SBK3: variants seen among roughly 807,000 people sequenced by gnomAD.
SBK3 encodes uncharacterized serine/threonine-protein kinase SBK3.
SBK3 carries 16 observed loss-of-function variants against 12.7 expected under a neutral mutation model. The observed-to-expected ratio is 1.26, with a 90% CI of 0.86 to 1.92. The LOEUF (loss-of-function observed/expected upper bound fraction) is 1.92. Ranked by LOEUF, SBK3 falls within the 40% of genes most tolerant of loss-of-function variation. The pLI is 0.00. For missense variants in SBK3, 462 were observed against 481.8 expected (o/e 0.96, Z 0.38); for synonymous variants, 217 against 213.6 (o/e 1.02, Z -0.14).
At position 55,544,117 on chromosome 19, in the gene SBK3, C is replaced by T. The variant is rs1038659725; in HGVS notation, c.382G>A (p.Gly128Arg). The T allele has an allele frequency of 2.1e-5, 32 of 1,509,240 alleles. No individual in the cohort carries two copies. Among genetic ancestry groups the T allele is most frequent in the Admixed American group, 4.2e-5 (2 of 47,290 alleles). The allele number at this position is 1,509,240 out of a possible 1,614,324, so 93.5% of individuals were successfully genotyped here. A position where few individuals can be genotyped will look rare whatever the true frequency, so the allele number is the denominator to read the frequency against. ...QEYAPCGDLS[G>R]MLQERGLPEL... is the part of the protein sequence containing the mutation. ...GGCCTCACCCTTTCCTGCAGCATCC[C>T]GCTGAGGTCCCCACAGGGCGCGTAC... The change falls in exon 3 of 4, where the codon GGG (glycine) becomes AGG (arginine). Residue 128 changes from glycine to arginine, a missense_variant. Physicochemically the swap from Gly to Arg is moderately radical, Grantham distance 125. Transcript: ENST00000612221.
Position 55,540,775 on chromosome 19 carries a change from A to C in SBK3, c.*71T>G. The C allele has an allele frequency of 7.7e-7, 1 of 1,306,492 alleles. No homozygotes were observed. Among genetic ancestry groups the C allele is most frequent in the South Asian group, 1.3e-5 (1 of 79,536 alleles). 80.9% of individuals were successfully genotyped at this position (1,306,492 alleles called of 1,614,324 possible). A position where few individuals can be genotyped will look rare whatever the true frequency, so the allele number is the denominator to read the frequency against. ...TCCTCCCGGGTGCAGCTGTCTCTCC[A>C]TCCAGGTGGCCCTGGGGGCTGGGGG... On this transcript the variant is annotated 3_prime_UTR_variant, in exon 4 of 4. Transcript: ENST00000612221.
chr19:55,542,217 A>C (rs1988569092), intron 3 of SBK3, among the ~76,000 whole-genome samples: 1 of 152,188 alleles, frequency 6.6e-6, no homozygotes, highest in African/African-American at 2.4e-5. Context: ...AGTATTGAAC[A>C]GTGTGTCCAT....
chr19:55,545,433 G>A lies in SBK3; in HGVS notation c.45+66C>T. On this transcript the variant is annotated intron_variant, in intron 1 of 3. Transcript: ENST00000612221. The surrounding 1 kb of genome is among the most constrained non-coding windows in gnomAD (Gnocchi z 4.4). ...TGTTTCTCTTCCTCTCTCTCCCCGT[G>A]TTGCCTCCTGCCTCTCTCTCCTTCT... is the stretch of plus-strand genomic sequence containing the variant. The A allele has an allele frequency of 7.7e-7, 1 of 1,292,004 alleles. No individual in the cohort carries two copies. The allele number at this position is 1,292,004 out of a possible 1,614,324, so 80.0% of individuals were successfully genotyped here. A position where few individuals can be genotyped will look rare whatever the true frequency, so the allele number is the denominator to read the frequency against.
chr19:55,544,336 C>T (rs767191687), intron 2 of SBK3, 34 bp from the exon 3 acceptor site: 27 of 1,501,344 alleles, frequency 1.8e-5, no homozygotes, highest in South Asian at 8.5e-5. Context: ...GACACTCAGG[C>T]GGCTCCAGTC....
rs1431523102 is a variant in SBK3, at chr19:55,540,948, A to G, written c.978T>C (p.Tyr326=). ...TTGAGCCTCCCTCCTCCCTGTCCTC[A>G]TAGGACACGGCGCTCCCCAAAACCC... ...GPGVLGSAVS[Y]EDREEGGSSL... is the part of the protein sequence containing the mutation. Residue 326 remains tyrosine, a synonymous_variant, in exon 4 of 4, where the codon TAT becomes TAC. Transcript: ENST00000612221. The G allele has an allele frequency of 6.5e-7, 1 of 1,535,674 alleles. No homozygotes were observed. The highest frequency in any genetic ancestry group is 1.2e-5 in the South Asian group (1 of 84,040).
At position 55,544,829 on chromosome 19, in the gene SBK3, G is replaced by A. The variant is rs963310229; in HGVS notation, c.166C>T (p.Arg56Cys). The A allele has an allele frequency of 1.8e-5, 28 of 1,528,596 alleles. No individual in the cohort carries two copies. The highest frequency in any genetic ancestry group is 1.8e-4 in the African/African-American group (13 of 72,718). The allele number at this position is 1,528,596 out of a possible 1,614,324, so 94.7% of individuals were successfully genotyped here. A position where few individuals can be genotyped will look rare whatever the true frequency, so the allele number is the denominator to read the frequency against. The change falls in exon 2 of 4, where the codon CGC (arginine) becomes TGC (cysteine). Residue 56 changes from arginine (R) to cysteine (C), a missense_variant. Physicochemically the swap from Arg to Cys is radical, Grantham distance 180. Transcript: ENST00000612221. ...TGGTGAGGCTGGGCAAGGAGCACGCGGCCGTAGGAGCCGGAGCCCAGCTTC... is the reference window on the plus strand; with the variant it reads ...TGGTGAGGCTGGGCAAGGAGCACGCAGCCGTAGGAGCCGGAGCCCAGCTTC... ...IRKLGSGSYG[R>C]VLLAQPHQGG...
intron 2 of SBK3, among the ~76,000 whole-genome samples, 178 bp downstream of exon 2, chr19:55,544,621 C>G (rs912714726): frequency 1.3e-5 from 2 of 152,142 alleles, no homozygotes; most frequent in South Asian, 4.1e-4. Flanking sequence ...CAGTCCCTCG[C>G]CCTCTCTGGG....
Position 55,541,305 on chromosome 19 carries a change from C to T in SBK3, c.621G>A (p.Glu207=), listed in dbSNP as rs1309926340. The T allele has an allele frequency of 1.0e-5, 16 of 1,535,396 alleles. No individual in the cohort carries two copies. The highest frequency in any genetic ancestry group is 3.6e-5 in the South Asian group (3 of 84,024). The change falls in exon 4 of 4, where the codon GAG becomes GAA. Residue 207 remains glutamate (E), a synonymous_variant. Transcript: ENST00000612221. This position sits in a 1 kb window ranked among gnomAD's most constrained non-coding sequence, Gnocchi z 5.3. ...PPVPLPTAPP[E]LCLLLPPDTL... The stretch of plus-strand genomic sequence containing the variant: ...TGTCGGGCGGTAGCAGGAGACAGAG[C>T]TCAGGCGGTGCCGTGGGCAGAGGCA...
chr19:55,541,025 G>C lies in SBK3; in HGVS notation c.901C>G (p.Leu301Val). Reference sequence around the variant, plus strand: ...CCCCAGTCGTCCCCCAGGAAGTCCAGGACAGCCAGTGGGGGGCTCCTAGTC... The same window carrying C: ...CCCCAGTCGTCCCCCAGGAAGTCCACGACAGCCAGTGGGGGGCTCCTAGTC... The part of the protein sequence containing the change: ...PETRSPPLAV[L>V]DFLGDDWGLQ... Residue 301 changes from leucine (L) to valine (V), a missense_variant, in exon 4 of 4, where the codon CTG (leucine) becomes GTG (valine). Leu to Val is a conservative substitution (Grantham distance 32). Transcript: ENST00000612221. The surrounding 1 kb of genome is among the most constrained non-coding windows in gnomAD (Gnocchi z 5.3). 6.5e-7 allele frequency: 1 copy of C among 1,535,994 alleles called. No individual in the cohort carries two copies. Among genetic ancestry groups the C allele is most frequent in the Non-Finnish European group, 8.7e-7 (1 of 1,146,856 alleles).
chr19:55,542,545 T>C (rs1988576491), intron 3 of SBK3, among the ~76,000 whole-genome samples: 1 of 91,684 alleles, frequency 1.1e-5, no homozygotes, highest in Admixed American at 1.0e-4. Context: ...CCACCAATCC[T>C]TTCATCCATC....
Position 55,541,102 on chromosome 19 carries a change from A to T in SBK3, c.824T>A (p.Phe275Tyr), listed in dbSNP as rs1262100959. The T allele has an allele frequency of 2.6e-6, 4 of 1,535,796 alleles. No individual in the cohort carries two copies. Among genetic ancestry groups the T allele is most frequent in the Non-Finnish European group, 2.6e-6 (3 of 1,146,782 alleles). The change falls in exon 4 of 4, where the codon TTT becomes TAT. Residue 275 changes from phenylalanine to tyrosine, a missense_variant. Coordinates refer to ENST00000612221, the MANE Select transcript of SBK3 (RefSeq NM_001199824.2). This position sits in a 1 kb window ranked among gnomAD's most constrained non-coding sequence, Gnocchi z 5.3. ...PPQPPPPWDQ[F>Y]APPALALLQG... ...GAGCAAGGCCAGGGCTGGGGGCGCA[A>T]ACTGGTCCCAGGGTGGTGGTGGCTG...
At chr19:55,544,764 A>C in intron 2 of SBK3, 35 bp downstream of exon 2, 1 of 1,453,964 alleles carries the variant, frequency 6.9e-7, no homozygotes, top group Non-Finnish European at 9.0e-7. Context: ...ATTGTGGGGC[A>C]GTTGGGGAGG....
chr19:55,545,432 T>C lies in SBK3; in HGVS notation c.45+67A>G, dbSNP rs1988653815. 1 of 1,271,900 alleles carries C rather than the reference T, an allele frequency of 7.9e-7. No homozygotes were observed. Among genetic ancestry groups the C allele is most frequent in the Non-Finnish European group, 1.1e-6 (1 of 911,280 alleles). The allele number at this position is 1,271,900 out of a possible 1,614,324, so 78.8% of individuals were successfully genotyped here. On this transcript the variant is annotated intron_variant, in intron 1 of 3. Coordinates refer to ENST00000612221, the MANE Select transcript of SBK3 (RefSeq NM_001199824.2). This position sits in a 1 kb window ranked among gnomAD's most constrained non-coding sequence, Gnocchi z 4.4. ...CTGTTTCTCTTCCTCTCTCTCCCCG[T>C]GTTGCCTCCTGCCTCTCTCTCCTTC...
chr19:55,541,592 C>T lies in SBK3; in HGVS notation c.400-66G>A. The T allele has an allele frequency of 7.5e-7, 1 of 1,337,782 alleles. No homozygotes were observed. Among genetic ancestry groups the T allele is most frequent in the South Asian group, 1.5e-5 (1 of 67,206 alleles). The allele number at this position is 1,337,782 out of a possible 1,614,324, so 82.9% of individuals were successfully genotyped here. A position where few individuals can be genotyped will look rare whatever the true frequency, so the allele number is the denominator to read the frequency against. ...TTTTGTCTTTTTTATGTTGTCCAGG[C>T]TGGTCTCAAACTCCTGGCCTCAAGC... On this transcript the variant is annotated intron_variant, in intron 3 of 3. Transcript: ENST00000612221. The surrounding 1 kb of genome is among the most constrained non-coding windows in gnomAD (Gnocchi z 5.3).
Position 55,545,421 on chromosome 19 carries a change from C to T in SBK3, c.45+78G>A, listed in dbSNP as rs114198006. ...TTCCCTGTTTTCTGTTTCTCTTCCT[C>T]TCTCTCCCCGTGTTGCCTCCTGCCT... On this transcript the variant is annotated intron_variant, in intron 1 of 3. Transcript: ENST00000612221. The surrounding 1 kb of genome is among the most constrained non-coding windows in gnomAD (Gnocchi z 4.4). The T allele has an allele frequency of 1.2e-3, 1,454 of 1,187,692 alleles. 18 individuals carry two copies. The African/African-American group carries it at 0.02, about 16-fold the overall frequency. 73.6% of individuals were successfully genotyped at this position (1,187,692 alleles called of 1,614,324 possible). A position where few individuals can be genotyped will look rare whatever the true frequency, so the allele number is the denominator to read the frequency against.
Position 55,544,838 on chromosome 19 carries a change from A to C in SBK3, c.157T>G (p.Ser53Ala). 6.5e-7 allele frequency: 1 copy of C among 1,531,058 alleles called. No individual in the cohort carries two copies. Among genetic ancestry groups the C allele is most frequent in the Non-Finnish European group, 8.7e-7 (1 of 1,144,776 alleles). The allele number at this position is 1,531,058 out of a possible 1,614,324, so 94.8% of individuals were successfully genotyped here. The change falls in exon 2 of 4, where the codon TCC becomes GCC. Residue 53 changes from serine to alanine, a missense_variant. Coordinates refer to ENST00000612221, the MANE Select transcript of SBK3 (RefSeq NM_001199824.2). ...YHLIRKLGSG[S>A]YGRVLLAQPH... ...TGGGCAAGGAGCACGCGGCCGTAGG[A>C]GCCGGAGCCCAGCTTCCGGATGAGG...
In SBK3 at chr19:55,540,966, C is replaced by T. The variant is rs200175351; in HGVS notation, c.960G>A (p.Leu320=). 1 of 1,535,750 alleles carries T rather than the reference C, an allele frequency of 6.5e-7. No individual in the cohort carries two copies. The highest frequency in any genetic ancestry group is 8.7e-7 in the Non-Finnish European group (1 of 1,146,648). ...TGTCCTCATAGGACACGGCGCTCCC[C>T]AAAACCCCAGGTCCCTCTCTGTTCC... ...LQGNREGPGV[L]GSAVSYEDRE... Residue 320 remains leucine, a synonymous_variant, in exon 4 of 4, where the codon TTG becomes TTA. Coordinates refer to ENST00000612221, the MANE Select transcript of SBK3 (RefSeq NM_001199824.2).
At position 55,540,792 on chromosome 19, in the gene SBK3, G is replaced by C. The variant is rs1988542018; in HGVS notation, c.*54C>G. On this transcript the variant is annotated 3_prime_UTR_variant, in exon 4 of 4. Coordinates refer to ENST00000612221, the MANE Select transcript of SBK3 (RefSeq NM_001199824.2). ...GTCTCTCCATCCAGGTGGCCCTGGG[G>C]GCTGGGGGAAGGGCCTCTGGCCCAG... 1 of 1,468,430 alleles carries C rather than the reference G, an allele frequency of 6.8e-7. No homozygotes were observed. The highest frequency in any genetic ancestry group is 9.2e-7 in the Non-Finnish European group (1 of 1,085,310). 91.0% of individuals were successfully genotyped at this position (1,468,430 alleles called of 1,614,324 possible).
rs1162723253 is a variant in SBK3, at chr19:55,541,278, G to A, written c.648C>T (p.Thr216=). The A allele has an allele frequency of 2.0e-6, 3 of 1,535,836 alleles. No homozygotes were observed. In the African/African-American group the frequency reaches 4.1e-5, roughly 21 times the overall value. Residue 216 remains threonine (T), a synonymous_variant, in exon 4 of 4, where the codon ACC becomes ACT. Transcript: ENST00000612221. The surrounding 1 kb of genome is among the most constrained non-coding windows in gnomAD (Gnocchi z 5.3). ...PELCLLLPPD[T]LPLRPAVDSW... is the part of the protein sequence containing the mutation. ...AGTCCACGGCTGGCCGCAGAGGCAG[G>A]GTGTCGGGCGGTAGCAGGAGACAGA...
Sources: gnomAD v4.1 joint callset for allele counts (sites outside exome capture counted in the v4.1 genomes callset) on GRCh38, gnomAD v4.1.1 for gene constraint, Gnocchi (gnomAD v3.1) non-coding constraint, MANE v1.5 for transcripts, NCBI Gene and HGNC (gene_info 2026-07-23, HGNC 2026-07-21) for gene names.